PLAG1: variants seen among roughly 807,000 people sequenced by gnomAD.
PLAG1 encodes PLAG1 zinc finger, also known as zinc finger protein PLAG1.
PLAG1 carries 7 observed loss-of-function variants against 35.5 expected under a neutral mutation model. The ratio of observed to expected loss-of-function variants is 0.20; its 90% confidence interval spans 0.11 to 0.37. The LOEUF (loss-of-function observed/expected upper bound fraction) is 0.37. Ranked by LOEUF, PLAG1 falls within the 10% of genes least tolerant of loss-of-function variation. The probability of loss-of-function intolerance (pLI) is 1.00; values close to 1 mark genes in which losing one functional copy is unlikely to be tolerated. For synonymous variants in PLAG1, 229 were observed against 225.4 expected (o/e 1.02, Z -0.14); for missense variants, 454 against 602.8 (o/e 0.75, Z 2.58).
intron 1 of PLAG1, among the ~76,000 whole-genome samples, chr8:56,191,808 GAAA>G (rs111540638): frequency 2.7e-5 from 3 of 110,702 alleles, no homozygotes; most frequent in African/African-American, 9.3e-5. Context: ...TAAAACACAG[GAAA>G]AAAAAAAAAA....
chr8:56,172,950 G>C (rs2129226125), intron 2 of PLAG1, among the ~76,000 whole-genome samples: 1 of 152,276 alleles, frequency 6.6e-6, no homozygotes, highest in Non-Finnish European at 1.5e-5. Flanking sequence ...TTAATGTAAA[G>C]TAATAGCTAA....
At chr8:56,203,668 A>C (rs1812622589) in intron 1 of PLAG1, among the ~76,000 whole-genome samples, 1 of 152,070 alleles carries the variant, frequency 6.6e-6, no homozygotes, top group African/African-American at 2.4e-5. Flanking sequence ...TCCTTCTTGG[A>C]AACATTTTAA....
intron 1 of PLAG1, among the ~76,000 whole-genome samples, chr8:56,186,777 C>T (rs950179506): frequency 2.0e-5 from 3 of 148,850 alleles, no homozygotes; most frequent in East Asian, 2.0e-4. Flanking sequence ...AGTGCAATGG[C>T]GCGATCTTAG....
chr8:56,194,339 A>T (rs1445735712), intron 1 of PLAG1, among the ~76,000 whole-genome samples: 2 of 151,074 alleles, frequency 1.3e-5, no homozygotes, highest in Non-Finnish European at 2.9e-5. Flanking sequence ...AAAAAAAAGG[A>T]AAAAGAAATA....
chr8:56,172,546 G>T (rs1376899336), intron 2 of PLAG1, among the ~76,000 whole-genome samples: 2 of 152,156 alleles, frequency 1.3e-5, no homozygotes, highest in Non-Finnish European at 2.9e-5. Flanking sequence ...GTTATTTTAA[G>T]AATATAAATA....
chr8:56,180,920 A>G (rs2129228240), intron 1 of PLAG1, among the ~76,000 whole-genome samples: 1 of 152,360 alleles, frequency 6.6e-6, no homozygotes, highest in Non-Finnish European at 1.5e-5. Flanking sequence ...TTCTCAAAAG[A>G]AGACATTTGA....
intron 3 of PLAG1, among the ~76,000 whole-genome samples, chr8:56,169,169 A>G (rs1212528154): frequency 6.6e-6 from 1 of 152,220 alleles, no homozygotes; most frequent in Non-Finnish European, 1.5e-5. Flanking sequence ...CACTGAGGTT[A>G]GTAGGTAAAC....
rs76048415 is a variant in PLAG1 at position 56,174,629 on chromosome 8, T to G, written c.-216-3440A>C. 3.5e-4 allele frequency among the ~76,000 whole-genome samples: 53 copies of G among 152,310 alleles called. 2 individuals carry two copies. The East Asian group carries it at 9.6e-3, about 28-fold the overall frequency. Reference sequence around the variant, plus strand: ...TGAAAAAAATTAAAACAGGGCCAAGTGCTTACCAGCATCACAATGACCTAC... The same window carrying G: ...TGAAAAAAATTAAAACAGGGCCAAGGGCTTACCAGCATCACAATGACCTAC... On this transcript the variant is annotated intron_variant, in intron 2 of 4. Coordinates refer to ENST00000316981, the MANE Select transcript of PLAG1 (RefSeq NM_002655.3).
At chr8:56,206,985 ATATT>A (rs1450854119) in intron 1 of PLAG1, among the ~76,000 whole-genome samples, 1 of 151,980 alleles carries the variant, frequency 6.6e-6, no homozygotes, top group Non-Finnish European at 1.5e-5. Flanking sequence ...GAAAAAATTA[ATATT>A]TATTTCTTAT....
rs527794676 is a variant in PLAG1, at chr8:56,163,659, ATG to A, written c.*2582_*2583del. The A allele has an allele frequency of 1.7e-3, 312 of 183,172 alleles. No individual in the cohort carries two copies. Among genetic ancestry groups the A allele is most frequent in the East Asian group, 5.0e-3 (55 of 10,990 alleles). 11.3% of individuals were successfully genotyped at this position (183,172 alleles called of 1,614,324 possible). A position where few individuals can be genotyped will look rare whatever the true frequency, so the allele number is the denominator to read the frequency against. On this transcript the variant is annotated 3_prime_UTR_variant, in exon 5 of 5. Coordinates refer to ENST00000316981, the MANE Select transcript of PLAG1 (RefSeq NM_002655.3). Reference sequence around the variant, plus strand: ...ATTTCATGCAGGGCAAGATTTAAGTATGTGTGTGTGTGTGTATATATACACAC... The same window carrying A: ...ATTTCATGCAGGGCAAGATTTAAGTATGTGTGTGTGTGTATATATACACAC...
chr8:56,196,276 T>C (rs894378877), intron 1 of PLAG1, among the ~76,000 whole-genome samples: 1 of 152,144 alleles, frequency 6.6e-6, no homozygotes, highest in African/African-American at 2.4e-5. Flanking sequence ...GCACTAACTG[T>C]TGAACCTGGT....
chr8:56,202,728 C>T (rs959462613), intron 1 of PLAG1, among the ~76,000 whole-genome samples: 3 of 152,174 alleles, frequency 2.0e-5, no homozygotes, highest in Non-Finnish European at 4.4e-5. Flanking sequence ...CTCTGGTATA[C>T]AGCTGAAAAG....
In PLAG1 at chr8:56,194,334, A is replaced by G. The variant is rs537134930; in HGVS notation, c.-321-14821T>C. On this transcript the variant is annotated intron_variant, in intron 1 of 4. Coordinates refer to ENST00000316981, the MANE Select transcript of PLAG1 (RefSeq NM_002655.3). ...TCTGTCTCAAAAAAAAAAAAAAAAA[A>G]AAGGAAAAAGAAATATTGCAGTTAG... Among the ~76,000 whole-genome samples, 291 of 152,128 alleles carry G rather than the reference A, an allele frequency of 1.9e-3. 2 individuals carry two copies. Among genetic ancestry groups the G allele is most frequent in the African/African-American group, 6.6e-3 (274 of 41,508 alleles).
chr8:56,207,582 G>A (rs1812734693), intron 1 of PLAG1, among the ~76,000 whole-genome samples: 1 of 151,986 alleles, frequency 6.6e-6, no homozygotes, highest in South Asian at 2.1e-4. Context: ...ATCTTCCACA[G>A]CAGATAAATT....
At chr8:56,189,684 A>C (rs1184297555) in intron 1 of PLAG1, among the ~76,000 whole-genome samples, 2 of 152,228 alleles carry the variant, frequency 1.3e-5, no homozygotes, top group Admixed American at 1.3e-4. Context: ...GGGAATTCAC[A>C]GAAAGAAAAG....
intron 1 of PLAG1, among the ~76,000 whole-genome samples, chr8:56,186,311 C>T (rs922553084): frequency 5.3e-5 from 8 of 152,118 alleles, no homozygotes; most frequent in Admixed American, 1.3e-4. Context: ...TGTTGGTCTC[C>T]GAAACAATTA....
chr8:56,186,460 C>G (rs1462091060), intron 1 of PLAG1, among the ~76,000 whole-genome samples: 1 of 152,118 alleles, frequency 6.6e-6, no homozygotes, highest in Non-Finnish European at 1.5e-5. Flanking sequence ...CAACCTCCGC[C>G]TCCTGGGCTC....
At chr8:56,201,836 T>C (rs561171325) in intron 1 of PLAG1, among the ~76,000 whole-genome samples, 1 of 152,262 alleles carries the variant, frequency 6.6e-6, no homozygotes, top group African/African-American at 2.4e-5. Flanking sequence ...GGCTGAAGCA[T>C]AGCATTAATA....
intron 1 of PLAG1, among the ~76,000 whole-genome samples, chr8:56,206,226 G>A (rs1350270007): frequency 1.3e-5 from 2 of 152,062 alleles, no homozygotes; most frequent in Non-Finnish European, 2.9e-5. Flanking sequence ...TAAACAGTGA[G>A]TATAATGCAA....
Sources: allele counts gnomAD v4.1 joint callset (sites outside exome capture counted in the v4.1 genomes callset), GRCh38; gene constraint gnomAD v4.1.1; transcripts MANE v1.5; gene names NCBI Gene and HGNC (gene_info 2026-07-23, HGNC 2026-07-21).